The following ZNF226 variants were observed in gnomAD, a reference collection of about 807,000 sequenced individuals.
ZNF226 encodes Kruppel-associated box protein.
A neutral mutation model predicts 11.4 loss-of-function variants in ZNF226; 6 were observed. The observed-to-expected ratio is 0.53, with a 90% CI of 0.29 to 1.04. The LOEUF (loss-of-function observed/expected upper bound fraction) is 1.04. Ranked by LOEUF, ZNF226 falls within the 50% of genes least tolerant of loss-of-function variation. The pLI, the probability that ZNF226 is intolerant of heterozygous loss-of-function variation, is 0.08. For synonymous variants in ZNF226, 350 were observed against 322.8 expected (o/e 1.08, Z -0.90); for missense variants, 1,058 against 956.5 (o/e 1.11, Z -1.40).
chr19:44,172,283 T>G (rs953931557), intron 4 of ZNF226, 69 bp downstream of exon 4: 3 of 1,544,876 alleles, frequency 1.9e-6, no homozygotes, highest in Non-Finnish European at 2.6e-6. Flanking sequence ...CCCTTGAAAT[T>G]GTTCCCTGAG....
the ZNF226 span, among the ~76,000 whole-genome samples, chr19:44,193,005 T>C: frequency 6.6e-6 from 1 of 152,210 alleles, no homozygotes; most frequent in African/African-American, 2.4e-5. Flanking sequence ...AAAAAGAAAA[T>C]TGTCTGACAA....
At chr19:44,179,383 T>C (rs187101049), downstream of ZNF226, among the ~76,000 whole-genome samples, 1 of 152,144 alleles carries the variant, frequency 6.6e-6, no homozygotes, top group Non-Finnish European at 1.5e-5. Context: ...AAAAATATAA[T>C]TTAAAAAATT....
intron 5 of ZNF226, 32 bp from the exon 6 acceptor site, chr19:44,175,466 T>G (rs760227612): frequency 6.5e-7 from 1 of 1,532,470 alleles, no homozygotes; most frequent in Admixed American, 2.2e-5. Flanking sequence ...ACAAAAAAAT[T>G]CACTATCTCT....
intron 2 of ZNF226, 32 bp from the exon 3 acceptor site, chr19:44,170,003 C>A (rs939337946): frequency 1.3e-6 from 2 of 1,495,722 alleles, no homozygotes; most frequent in Non-Finnish European, 1.8e-6. Context: ...CATACTTACC[C>A]AGTTTTGATT....
At chr19:44,182,356 TAC>T (rs34630350), downstream of ZNF226, among the ~76,000 whole-genome samples, 1,091 of 151,208 alleles carry the variant, frequency 7.2e-3, 14 homozygotes, top group African/African-American at 0.024. Flanking sequence ...CGCGCGTGCA[TAC>T]ACACACACAC....
Position 44,173,028 on chromosome 19 carries a change from A to G in ZNF226, c.235+76A>G, listed in dbSNP as rs540393765. On this transcript the variant is annotated intron_variant, in intron 5 of 5. Transcript: ENST00000337433. ...GCTTCTTCTTAGCCTTGTTGCCATC[A>G]CCTGGTCCAAATTGCCAACTGTCTT... 8.6e-5 allele frequency: 119 copies of G among 1,387,640 alleles called. 1 individual carries two copies. In the East Asian group the frequency reaches 2.8e-3, roughly 32 times the overall value. The allele number at this position is 1,387,640 out of a possible 1,614,324, so 86.0% of individuals were successfully genotyped here.
chr19:44,182,061 T>C (rs1035954844), downstream of ZNF226, among the ~76,000 whole-genome samples: 7 of 152,212 alleles, frequency 4.6e-5, no homozygotes, highest in East Asian at 1.9e-4. Flanking sequence ...TTTGCTGATA[T>C]GGGTGTAGTG....
At chr19:44,179,129 A>G (rs886558674), downstream of ZNF226, among the ~76,000 whole-genome samples, 3 of 152,090 alleles carry the variant, frequency 2.0e-5, no homozygotes, top group African/African-American at 2.4e-5. Context: ...GCAGTGAGTC[A>G]AGATGTTGCC....
the ZNF226 span, among the ~76,000 whole-genome samples, chr19:44,190,478 C>T: frequency 1.3e-5 from 2 of 151,992 alleles, no homozygotes; most frequent in African/African-American, 2.4e-5. Context: ...GGACTACAGG[C>T]GCCCGCCACC....
chr19:44,175,342 T>C, intron 5 of ZNF226, 156 bp from the exon 6 acceptor site: 3 of 1,416,152 alleles, frequency 2.1e-6, no homozygotes, highest in South Asian at 3.4e-5. Flanking sequence ...TCTCTTGGTT[T>C]CTGTCAGTAT....
At chr19:44,192,492 G>A in the ZNF226 span, among the ~76,000 whole-genome samples, 6 of 151,952 alleles carry the variant, frequency 3.9e-5, no homozygotes, top group African/African-American at 9.7e-5. Flanking sequence ...AGAACTTTAC[G>A]TAGATGTAAA....
chr19:44,168,961 T>C (rs1288154618), intron 2 of ZNF226, among the ~76,000 whole-genome samples: 2 of 151,784 alleles, frequency 1.3e-5, no homozygotes, highest in African/African-American at 4.8e-5. Flanking sequence ...CACATTCTTT[T>C]GTTTATAACA....
chr19:44,169,868 T>C (rs1291276774), intron 2 of ZNF226, among the ~76,000 whole-genome samples, 167 bp from the exon 3 acceptor site: 2 of 152,182 alleles, frequency 1.3e-5, no homozygotes, highest in Admixed American at 6.5e-5. Context: ...GAACTACTGC[T>C]GAAAGGGGTA....
chr19:44,190,358 G>T, the ZNF226 span, among the ~76,000 whole-genome samples: 1 of 152,006 alleles, frequency 6.6e-6, no homozygotes, highest in African/African-American at 2.4e-5. Context: ...TTTTGAGGCG[G>T]AGTCTCGCTG....
downstream of ZNF226, among the ~76,000 whole-genome samples, chr19:44,183,186 T>C (rs747193607): frequency 9.8e-5 from 15 of 152,316 alleles, no homozygotes; most frequent in Non-Finnish European, 2.1e-4. Context: ...TCACTAGAGC[T>C]GAATTGACAT....
At chr19:44,166,619 T>TC (rs1387667213) in intron 2 of ZNF226, 1 of 152,216 alleles carries the variant, frequency 6.6e-6, no homozygotes, top group East Asian at 1.9e-4. Flanking sequence ...AAATGTAAAT[T>TC]CCCCATGACC....
chr19:44,175,942 A>G lies in ZNF226; in HGVS notation c.680A>G (p.Asn227Ser), dbSNP rs371556470. 1.3e-4 allele frequency: 204 copies of G among 1,613,706 alleles called. No homozygotes were observed. The highest frequency in any genetic ancestry group is 1.6e-4 in the Non-Finnish European group (188 of 1,179,860). ...AAAAGTGAAAAATCTTATAGACCCA[A>G]TGATTATGAAAAAGACAACATGAAG... ...VHKSEKSYRP[N>S]DYEKDNMKIL... The change falls in exon 6 of 6, where the codon AAT becomes AGT. Residue 227 changes from asparagine to serine, a missense_variant. Coordinates refer to ENST00000337433, the MANE Select transcript of ZNF226 (RefSeq NM_001032373.2).
At chr19:44,180,077 ACT>A (rs1259218372), downstream of ZNF226, among the ~76,000 whole-genome samples, 122 of 120,112 alleles carry the variant, frequency 1.0e-3, no homozygotes, top group Non-Finnish European at 1.7e-3. Context: ...ACAGAGCAAG[ACT>A]CTGTCTCAAA....
rs774840298 is a variant in ZNF226, at chr19:44,177,260, T to C, written c.1998T>C (p.Thr666=). ...TTCAAGCCCATCAAAAAGTCCACAC[T>C]GGAGATAAGCCATACAAATGTGATG... The part of the protein sequence containing the change: ...AHLQAHQKVH[T]GDKPYKCDEC... The change falls in exon 6 of 6, where the codon ACT becomes ACC. Residue 666 remains threonine, a synonymous_variant. Transcript: ENST00000337433. 43 of 1,612,736 alleles carry C rather than the reference T, an allele frequency of 2.7e-5. No individual in the cohort carries two copies. Among genetic ancestry groups the C allele is most frequent in the Non-Finnish European group, 3.6e-5 (43 of 1,179,634 alleles).
Sources: gnomAD v4.1 joint callset for allele counts (sites outside exome capture counted in the v4.1 genomes callset) on GRCh38, gnomAD v4.1.1 for gene constraint, MANE v1.5 for transcripts, NCBI Gene and HGNC (gene_info 2026-07-23, HGNC 2026-07-21) for gene names.